ZFHX3: variants seen among roughly 807,000 people sequenced by gnomAD.
ZFHX3 encodes zinc finger homeobox 3.
In ZFHX3, 42 loss-of-function variants were observed where a neutral mutation model predicts 279.1. The ratio of observed to expected loss-of-function variants is 0.15; its 90% CI spans 0.12 to 0.19. The LOEUF (loss-of-function observed/expected upper bound fraction) is 0.19. Ranked by LOEUF, ZFHX3 falls within the 10% of genes least tolerant of loss-of-function variation. The pLI, the probability that ZFHX3 is intolerant of heterozygous loss-of-function variation, is 1.00. For synonymous variants in ZFHX3, 2,293 were observed against 1,957.8 expected (o/e 1.17, Z -4.52); for missense variants, 4,981 against 4,754.0 (o/e 1.05, Z -1.40).
intron 1 of ZFHX3, among the ~76,000 whole-genome samples, chr16:73,044,823 G>C (rs917958420): frequency 6.6e-5 from 10 of 152,138 alleles, no homozygotes; most frequent in African/African-American, 2.4e-4. Context: ...GTTTCTCCAT[G>C]TTGATCAGGC....
chr16:73,058,962 CGGCGGCGGT>C (rs1597142222), exon 1 of ZFHX3: 1 of 168,776 alleles, frequency 5.9e-6, no homozygotes, highest in African/African-American at 2.4e-5. Flanking sequence ...GAGGAGGAGG[CGGCGGCGGT>C]GGCGGCTGCA....
chr16:72,965,604 G>A lies in ZFHX3; in HGVS notation c.-49-5410C>T, dbSNP rs116390417. Among the ~76,000 whole-genome samples, 470 of 152,194 alleles carry A rather than the reference G, an allele frequency of 3.1e-3. 1 individual carries two copies. Among genetic ancestry groups the A allele is most frequent in the African/African-American group, 4.9e-3 (202 of 41,500 alleles). On this transcript the variant is annotated intron_variant, in intron 1 of 9. Coordinates refer to ENST00000268489, the MANE Select transcript of ZFHX3 (RefSeq NM_006885.4). ...TACAGAATCCATGCTAAAAGGTCTCGGCTTACATTCTTGTAGAGAAGAGAG... is the reference window on the plus strand; with the variant it reads ...TACAGAATCCATGCTAAAAGGTCTCAGCTTACATTCTTGTAGAGAAGAGAG...
chr16:73,354,455 G>T (rs1410856991), intron 3 of ZFHX3, among the ~76,000 whole-genome samples: 5 of 152,190 alleles, frequency 3.3e-5, no homozygotes, highest in Non-Finnish European at 5.9e-5. Flanking sequence ...CATGTACGAT[G>T]ACTGCCCAGC....
intron 1 of ZFHX3, among the ~76,000 whole-genome samples, chr16:73,821,814 GT>G (rs1567421721): frequency 6.6e-6 from 1 of 152,230 alleles, no homozygotes; most frequent in South Asian, 2.1e-4. Flanking sequence ...TCAGTGGGAA[GT>G]CAAAGATGCT....
intron 1 of ZFHX3, among the ~76,000 whole-genome samples, chr16:73,813,175 C>G (rs527536104): frequency 6.6e-6 from 1 of 152,290 alleles, no homozygotes; most frequent in East Asian, 1.9e-4. Context: ...CGCTGTCTCT[C>G]TGTCTTCTCT....
At chr16:73,065,658 C>T (rs1965742023) in intron 8 of ZFHX3, among the ~76,000 whole-genome samples, 1 of 150,684 alleles carries the variant, frequency 6.6e-6, no homozygotes, top group African/African-American at 2.4e-5. Flanking sequence ...TGAGAGATTC[C>T]CAGTCCTCGT....
chr16:72,855,740 T>C (rs2037739273), intron 4 of ZFHX3, among the ~76,000 whole-genome samples: 2 of 152,200 alleles, frequency 1.3e-5, no homozygotes, highest in Admixed American at 1.3e-4. Context: ...GGGGTCCTTC[T>C]CTGGCTTTCC....
intron 1 of ZFHX3, among the ~76,000 whole-genome samples, chr16:73,722,987 A>G (rs1023126902): frequency 8.5e-5 from 13 of 152,116 alleles, no homozygotes; most frequent in African/African-American, 3.1e-4. Flanking sequence ...TGGCTTCCTG[A>G]TAAGTGTGTG....
intron 3 of ZFHX3, among the ~76,000 whole-genome samples, chr16:72,916,889 A>G (rs1344497824): frequency 6.6e-6 from 1 of 152,128 alleles, no homozygotes; most frequent in Non-Finnish European, 1.5e-5. Context: ...ATGAAAGACT[A>G]AAAGGGGATG....
At chr16:72,886,447 G>A (rs951105553) in intron 4 of ZFHX3, among the ~76,000 whole-genome samples, 3 of 152,116 alleles carry the variant, frequency 2.0e-5, no homozygotes, top group Non-Finnish European at 4.4e-5. Context: ...CACTGGTGCC[G>A]GGCTGCATCC....
At chr16:72,895,654 T>C (rs935055296) in intron 3 of ZFHX3, among the ~76,000 whole-genome samples, 1 of 152,208 alleles carries the variant, frequency 6.6e-6, no homozygotes, top group Non-Finnish European at 1.5e-5. Flanking sequence ...AGACCCCGTC[T>C]CTATAAAAAG....
chr16:73,398,405 G>T (rs1023337410), intron 3 of ZFHX3, among the ~76,000 whole-genome samples: 3 of 152,190 alleles, frequency 2.0e-5, no homozygotes, highest in Non-Finnish European at 4.4e-5. Context: ...GGGAAGTGGG[G>T]AAGAGCCCGC....
At chr16:72,969,978 C>T (rs570864148) in intron 1 of ZFHX3, among the ~76,000 whole-genome samples, 6 of 152,330 alleles carry the variant, frequency 3.9e-5, no homozygotes, top group African/African-American at 1.2e-4. Context: ...CCCAGAGAAT[C>T]GCCCAGGCCG....
chr16:73,793,118 G>C (rs946142913), intron 1 of ZFHX3, among the ~76,000 whole-genome samples: 1 of 152,172 alleles, frequency 6.6e-6, no homozygotes, highest in African/African-American at 2.4e-5. Flanking sequence ...TCTTTGCCTT[G>C]GTTCTCAGCC....
At chr16:72,851,539 C>CA (rs1293762172) in intron 4 of ZFHX3, among the ~76,000 whole-genome samples, 1 of 151,960 alleles carries the variant, frequency 6.6e-6, no homozygotes, top group Non-Finnish European at 1.5e-5. Flanking sequence ...AAGGGTTCTG[C>CA]ACATTTTGAT....
chr16:72,825,285 C>T (rs1213612360), intron 5 of ZFHX3, among the ~76,000 whole-genome samples: 2 of 152,220 alleles, frequency 1.3e-5, no homozygotes, highest in Non-Finnish European at 2.9e-5. Flanking sequence ...TCATTTTGAA[C>T]ATCCTGGTGG....
chr16:73,467,252 T>A (rs1357565312), intron 2 of ZFHX3, among the ~76,000 whole-genome samples: 1 of 152,122 alleles, frequency 6.6e-6, no homozygotes, highest in African/African-American at 2.4e-5. Context: ...GGAGAGAGAA[T>A]GGAAGCAAGA....
intron 1 of ZFHX3, among the ~76,000 whole-genome samples, chr16:73,880,577 T>C (rs2030113858): frequency 1.3e-5 from 2 of 152,092 alleles, no homozygotes; most frequent in South Asian, 2.1e-4. Flanking sequence ...GCTAGTGAAG[T>C]TAAAATTGTA....
At chr16:73,453,012 C>T (rs1023242203) in intron 3 of ZFHX3, among the ~76,000 whole-genome samples, 2 of 152,222 alleles carry the variant, frequency 1.3e-5, no homozygotes, top group Admixed American at 6.5e-5. Flanking sequence ...CATGAGATAT[C>T]TGTCTACTTA....
Sources: allele counts gnomAD v4.1 joint callset (sites outside exome capture counted in the v4.1 genomes callset), GRCh38; gene constraint gnomAD v4.1.1; transcripts MANE v1.5; gene names NCBI Gene and HGNC (gene_info 2026-07-23, HGNC 2026-07-21).